TTLL9: variants seen among roughly 807,000 people sequenced by gnomAD.
TTLL9 encodes probable tubulin polyglutamylase TTLL9.
A neutral mutation model predicts 65.6 loss-of-function variants in TTLL9; 47 were observed. That is an observed-to-expected ratio of 0.72 (90% CI 0.57 to 0.91). TTLL9 has a LOEUF of 0.91. Ranked by LOEUF, TTLL9 falls within the 40% of genes least tolerant of loss-of-function variation. TTLL9 has a pLI of 0.00. For missense variants in TTLL9, 537 were observed against 568.8 expected (o/e 0.94, Z 0.57); for synonymous variants, 179 against 204.8 (o/e 0.87, Z 1.07).
intron 2 of TTLL9, among the ~76,000 whole-genome samples, chr20:31,873,912 G>A (rs897531771): frequency 1.3e-5 from 2 of 152,098 alleles, no homozygotes; most frequent in Non-Finnish European, 2.9e-5. Context: ...AAACGAGCCT[G>A]AAGACTAGCT....
chr20:31,880,431 GA>G (rs1179083547), intron 2 of TTLL9, among the ~76,000 whole-genome samples: 2 of 151,620 alleles, frequency 1.3e-5, no homozygotes, highest in Non-Finnish European at 2.9e-5. Context: ...TTAAGAATGG[GA>G]AAAATGAAAG....
chr20:31,935,131 C>A (rs904621533), intron 12 of TTLL9, among the ~76,000 whole-genome samples: 4 of 152,124 alleles, frequency 2.6e-5, no homozygotes, highest in African/African-American at 9.7e-5. Flanking sequence ...GAGGACCGAG[C>A]CTGGCACTGG....
rs113544281 is a variant in TTLL9, at chr20:31,903,559, T to C, written c.206+4994T>C. ...TAAGAAACCATTGCCTAATCCAAGG[T>C]CACAAAGATTTACTCCTATGTCTTC... On this transcript the variant is annotated intron_variant, in intron 4 of 14. Coordinates refer to ENST00000535842, the MANE Select transcript of TTLL9 (RefSeq NM_001008409.5). 1.5e-3 allele frequency among the ~76,000 whole-genome samples: 223 copies of C among 152,312 alleles called. 1 individual carries two copies. The highest frequency in any genetic ancestry group is 5.1e-3 in the African/African-American group (211 of 41,584).
At chr20:31,942,908 A>G (rs552121201) in intron 14 of TTLL9, 37 bp from the exon 15 acceptor site, 1 of 1,611,546 alleles carries the variant, frequency 6.2e-7, no homozygotes, top group Middle Eastern at 1.7e-4. Flanking sequence ...CCTCCCAAGC[A>G]TAGGTCATCC....
At chr20:31,923,966 A>G (rs2063853990) in intron 8 of TTLL9, among the ~76,000 whole-genome samples, 1 of 152,004 alleles carries the variant, frequency 6.6e-6, no homozygotes, top group Admixed American at 6.5e-5. Flanking sequence ...CGTCTTGGGC[A>G]TCTGCCAACC....
chr20:31,905,474 G>C (rs772991229), intron 4 of TTLL9, among the ~76,000 whole-genome samples: 1 of 152,180 alleles, frequency 6.6e-6, no homozygotes, highest in Non-Finnish European at 1.5e-5. Flanking sequence ...TTTGGAGAAG[G>C]ACCAGGCCCC....
intron 10 of TTLL9, among the ~76,000 whole-genome samples, chr20:31,926,455 T>TGTA (rs2063908600): frequency 6.6e-6 from 1 of 152,178 alleles, no homozygotes; most frequent in Admixed American, 6.5e-5. Flanking sequence ...TGTAAATTGA[T>TGTA]TGGTATGACT....
intron 8 of TTLL9, among the ~76,000 whole-genome samples, chr20:31,923,396 C>A (rs1367228996): frequency 6.6e-6 from 1 of 152,212 alleles, no homozygotes; most frequent in Non-Finnish European, 1.5e-5. Context: ...GGAGCTTACA[C>A]CTGTGATGAG....
intron 2 of TTLL9, among the ~76,000 whole-genome samples, chr20:31,880,156 G>A (rs564355517): frequency 1.3e-5 from 2 of 152,326 alleles, no homozygotes; most frequent in East Asian, 1.9e-4. Context: ...AGCCCGGCCA[G>A]CTGGCGGGAA....
intron 4 of TTLL9, among the ~76,000 whole-genome samples, chr20:31,907,415 A>G (rs902657922): frequency 5.3e-5 from 8 of 152,180 alleles, no homozygotes; most frequent in African/African-American, 1.9e-4. Flanking sequence ...ACATATATAC[A>G]TGATGAAACT....
chr20:31,870,665 G>A lies in TTLL9; in HGVS notation c.-290G>A. On this transcript the variant is annotated 5_prime_UTR_variant, in exon 1 of 15. Coordinates refer to ENST00000535842, the MANE Select transcript of TTLL9 (RefSeq NM_001008409.5). The surrounding 1 kb of genome is among the most constrained non-coding windows in gnomAD (Gnocchi z 6.6). ...CCGGGCCCACGGCCCGCGGGACAAC[G>A]GCAGTTTGTTGGGGCCGCGTGGGGC... 1 of 1,232,074 alleles carries A rather than the reference G, an allele frequency of 8.1e-7. No homozygotes were observed. The highest frequency in any genetic ancestry group is 1.0e-6 in the Non-Finnish European group (1 of 966,316). 76.3% of individuals were successfully genotyped at this position (1,232,074 alleles called of 1,614,324 possible). A position where few individuals can be genotyped will look rare whatever the true frequency, so the allele number is the denominator to read the frequency against.
chr20:31,909,125 A>ATTTTTTT (rs11476481), intron 5 of TTLL9, among the ~76,000 whole-genome samples: 4 of 79,378 alleles, frequency 5.0e-5, no homozygotes, highest in Admixed American at 1.4e-4. Flanking sequence ...TGAAAGCATG[A>ATTTTTTT]TTTTTTTTTT....
At chr20:31,937,099 CA>C (rs59705348) in intron 12 of TTLL9, among the ~76,000 whole-genome samples, 1,870 of 93,480 alleles carry the variant, frequency 0.02, 38 homozygotes, top group Admixed American at 0.066. Context: ...ACTCCCTCTC[CA>C]AAAAAAAAAA....
At position 31,944,086 on chromosome 20, in the gene TTLL9, G is replaced by A. The variant is rs1420784248; in HGVS notation, c.*1065G>A. Reference sequence around the variant, plus strand: ...ACTGGCAAATCCAAGAAGTGAACCAGCCGACTTTAGGAAAGCCAGAAGCCA... The same window carrying A: ...ACTGGCAAATCCAAGAAGTGAACCAACCGACTTTAGGAAAGCCAGAAGCCA... On this transcript the variant is annotated 3_prime_UTR_variant, in exon 15 of 15. Transcript: ENST00000535842. The A allele has an allele frequency of 6.1e-6, 2 of 328,760 alleles. No individual in the cohort carries two copies. The highest frequency in any genetic ancestry group is 1.2e-5 in the Non-Finnish European group (2 of 164,846). The allele number at this position is 328,760 out of a possible 1,614,324, so 20.4% of individuals were successfully genotyped here. A position where few individuals can be genotyped will look rare whatever the true frequency, so the allele number is the denominator to read the frequency against.
chr20:31,872,819 G>C (rs1339403792), intron 2 of TTLL9, among the ~76,000 whole-genome samples: 1 of 152,244 alleles, frequency 6.6e-6, no homozygotes, highest in East Asian at 1.9e-4. Context: ...AGTGGGACTG[G>C]AGTAGAGGGA....
chr20:31,907,643 C>T (rs1201165368), intron 4 of TTLL9, among the ~76,000 whole-genome samples: 1 of 151,944 alleles, frequency 6.6e-6, no homozygotes, highest in African/African-American at 2.4e-5. Context: ...ATCGCTTGAA[C>T]CCGGGAGGAG....
chr20:31,892,409 A>G (rs936969999), intron 3 of TTLL9, among the ~76,000 whole-genome samples: 14 of 152,098 alleles, frequency 9.2e-5, no homozygotes, highest in Admixed American at 2.6e-4. Flanking sequence ...ACCTCAAGTG[A>G]TCCACCTGCT....
chr20:31,873,716 AAG>A (rs1368705416), intron 2 of TTLL9, among the ~76,000 whole-genome samples: 6 of 147,414 alleles, frequency 4.1e-5, no homozygotes, highest in Admixed American at 6.9e-5. Context: ...GAAAGAAAGA[AAG>A]AAAGAAAGAA....
At chr20:31,905,520 A>G (rs1391959312) in intron 4 of TTLL9, among the ~76,000 whole-genome samples, 1 of 152,140 alleles carries the variant, frequency 6.6e-6, no homozygotes, top group Non-Finnish European at 1.5e-5. Flanking sequence ...AAATTTGGAA[A>G]CCGTAGATTT....
Sources: gnomAD v4.1 joint callset for allele counts (sites outside exome capture counted in the v4.1 genomes callset) on GRCh38, gnomAD v4.1.1 for gene constraint, Gnocchi (gnomAD v3.1) non-coding constraint, MANE v1.5 for transcripts, NCBI Gene and HGNC (gene_info 2026-07-23, HGNC 2026-07-21) for gene names.